Variants in EFL1 observed in about 807,000 individuals in gnomAD.
EFL1 encodes the protein elongation factor-like GTPase 1.
A neutral mutation model predicts 126.7 loss-of-function variants in EFL1; 76 were observed. The observed-to-expected ratio is 0.60, with a 90% confidence interval of 0.50 to 0.73. The LOEUF (loss-of-function observed/expected upper bound fraction) is 0.73, where lower values mean the gene tolerates loss of function less well. EFL1 is among the 30% of genes least tolerant of loss of function. EFL1 has a pLI of 0.00. For synonymous variants in EFL1, 410 were observed against 448.4 expected, an observed-to-expected ratio of 0.91 and a Z score of 1.08; for missense variants, 1,128 against 1,343.2, an observed-to-expected ratio of 0.84 and a Z score of 2.50.
At chr15:82,144,525 A>G (rs2073822186) in intron 18 of EFL1, among the ~76,000 whole-genome samples, 1 of 152,204 alleles carries the variant, frequency 6.6e-6, no homozygotes, top group Admixed American at 6.5e-5. Context: ...TGCACTAAAT[A>G]ATATTGTATT....
chr15:82,209,346 C>G (rs893438534), intron 15 of EFL1, among the ~76,000 whole-genome samples: 1 of 139,068 alleles, frequency 7.2e-6, no homozygotes, highest in African/African-American at 2.7e-5. Flanking sequence ...CACACACACA[C>G]ACACACAGAT....
At chr15:82,228,161 T>C (rs752497159) in intron 10 of EFL1, 30 bp downstream of exon 10, 15 of 1,565,068 alleles carry the variant, frequency 9.6e-6, no homozygotes, top group Non-Finnish European at 1.3e-5. Flanking sequence ...TCAAAACTAT[T>C]TCATTAAAAA....
Position 82,228,298 on chromosome 15 carries a change from G to T in EFL1, c.962C>A (p.Thr321Asn). ...KDKDKIDKIV[T>N]SLGLKIGARE... ...GGCTCCAATTTTTAATCCTAAAGAA[G>T]TCACTATTTTATCAATTTTGTCTTT... The change falls in exon 10 of 20, where the codon ACT becomes AAT. Residue 321 changes from threonine to asparagine, a missense_variant. Thr to Asn is a moderately conservative substitution (Grantham distance 65). This residue lies in a region of EFL1 where 316 missense variants were observed against 318.5 expected (regional missense o/e 0.99). Coordinates refer to ENST00000268206, the MANE Select transcript of EFL1 (RefSeq NM_024580.6). The T allele has an allele frequency of 6.2e-7, 1 of 1,613,926 alleles. No individual in the cohort carries two copies. The highest frequency in any genetic ancestry group is 1.1e-5 in the South Asian group (1 of 91,044).
At chr15:82,141,370 G>A (rs889750797) in intron 18 of EFL1, among the ~76,000 whole-genome samples, 1 of 152,114 alleles carries the variant, frequency 6.6e-6, no homozygotes, top group Non-Finnish European at 1.5e-5. Flanking sequence ...TATCTCATTC[G>A]CAGAAATGTT....
At chr15:82,197,055 G>T (rs867955299) in intron 15 of EFL1, among the ~76,000 whole-genome samples, 26 of 151,774 alleles carry the variant, frequency 1.7e-4, no homozygotes, top group Middle Eastern at 3.2e-3. Flanking sequence ...AAAAATTGTG[G>T]CATCATTGTT....
intron 16 of EFL1, among the ~76,000 whole-genome samples, chr15:82,158,141 T>C (rs762579396): frequency 1.3e-5 from 2 of 152,216 alleles, no homozygotes; most frequent in East Asian, 1.9e-4. Flanking sequence ...ACCATCTTTT[T>C]ACTTGTGAAT....
intron 15 of EFL1, among the ~76,000 whole-genome samples, chr15:82,183,283 C>T (rs928551146): frequency 1.1e-4 from 16 of 152,334 alleles, no homozygotes; most frequent in African/African-American, 3.6e-4. Flanking sequence ...CAAAGCATTG[C>T]ATATTTCAGG....
intron 14 of EFL1, among the ~76,000 whole-genome samples, chr15:82,217,239 C>G (rs867145988): frequency 6.6e-6 from 1 of 151,776 alleles, no homozygotes; most frequent in South Asian, 2.1e-4. Context: ...CTACTTTGGA[C>G]AATAAATTGG....
chr15:82,157,908 C>T (rs751588680), intron 16 of EFL1, 48 bp from the exon 17 acceptor site: 2 of 1,557,418 alleles, frequency 1.3e-6, no homozygotes, highest in South Asian at 2.4e-5. Flanking sequence ...AGAACTAACA[C>T]AATTCAAAGA....
chr15:82,149,053 T>C (rs2073879970), intron 18 of EFL1, among the ~76,000 whole-genome samples: 1 of 152,108 alleles, frequency 6.6e-6, no homozygotes, highest in South Asian at 2.1e-4. Context: ...CATCGAAACA[T>C]TTGATTTTCT....
At chr15:82,246,674 T>C (rs1008859398) in intron 4 of EFL1, among the ~76,000 whole-genome samples, 2 of 152,104 alleles carry the variant, frequency 1.3e-5, no homozygotes, top group East Asian at 1.9e-4. Context: ...GATCATTAAG[T>C]CCAGAGCACA....
intron 4 of EFL1, among the ~76,000 whole-genome samples, chr15:82,246,044 G>A (rs1329688686): frequency 5.3e-5 from 8 of 151,864 alleles, no homozygotes; most frequent in Admixed American, 3.3e-4. Context: ...AACCCGACCC[G>A]AAGACCTCTC....
intron 4 of EFL1, among the ~76,000 whole-genome samples, chr15:82,247,190 A>T (rs1399808738): frequency 1.3e-5 from 2 of 152,132 alleles, no homozygotes; most frequent in Non-Finnish European, 2.9e-5. Flanking sequence ...TGAAAGAAAG[A>T]GCTGGGAGAA....
intron 11 of EFL1, 131 bp from the exon 12 acceptor site, chr15:82,225,395 T>C: frequency 1.6e-6 from 1 of 607,992 alleles, no homozygotes. Context: ...AGTCCATAAC[T>C]TTTTCCAACT....
chr15:82,256,572 T>C (rs1400322769), intron 3 of EFL1, among the ~76,000 whole-genome samples: 3 of 152,206 alleles, frequency 2.0e-5, no homozygotes, highest in African/African-American at 7.2e-5. Context: ...TTCCTGGCTA[T>C]GAATAGAGAA....
At chr15:82,257,708 C>G (rs1223008733) in intron 3 of EFL1, among the ~76,000 whole-genome samples, 1 of 151,986 alleles carries the variant, frequency 6.6e-6, no homozygotes, top group Non-Finnish European at 1.5e-5. Context: ...GGTGTGATAC[C>G]TTTGTTACAA....
intron 19 of EFL1, 71 bp downstream of exon 19, chr15:82,138,587 T>G: frequency 6.5e-7 from 1 of 1,544,430 alleles, no homozygotes; most frequent in Non-Finnish European, 8.8e-7. Context: ...TGTTTGCTAC[T>G]CTTGGCCTCC....
At chr15:82,178,193 T>C (rs2074214352) in intron 15 of EFL1, among the ~76,000 whole-genome samples, 1 of 152,226 alleles carries the variant, frequency 6.6e-6, no homozygotes, top group Admixed American at 6.5e-5. Flanking sequence ...TTGAAGAAGC[T>C]TTCACAAGAC....
intron 4 of EFL1, among the ~76,000 whole-genome samples, chr15:82,250,412 C>T (rs1178407503): frequency 3.2e-5 from 4 of 124,654 alleles, no homozygotes; most frequent in Admixed American, 2.7e-4. Context: ...CCAACCCAAG[C>T]GCAGCCAATC....
Sources: gnomAD v4.1 joint callset for allele counts (sites outside exome capture counted in the v4.1 genomes callset) on GRCh38, gnomAD v4.1.1 for gene constraint, gnomAD v4.1.1 regional missense constraint, MANE v1.5 for transcripts, NCBI Gene and HGNC (gene_info 2026-07-23, HGNC 2026-07-21) for gene names.